GLMN: variants seen among roughly 807,000 people sequenced by gnomAD.
GLMN encodes glomulin, FKBP associated protein.
In GLMN, 75 loss-of-function variants were observed where a neutral mutation model predicts 87.8. The observed-to-expected ratio is 0.85, with a 90% CI of 0.71 to 1.04. The LOEUF is 1.04. Ranked by LOEUF, GLMN falls within the 50% of genes least tolerant of loss-of-function variation. The probability of loss-of-function intolerance (pLI) is 0.00; values close to 1 mark genes in which losing one functional copy is unlikely to be tolerated. For missense variants in GLMN, 588 were observed against 658.8 expected, an observed-to-expected ratio of 0.89 and a Z score of 1.18; for synonymous variants, 206 against 221.6, an observed-to-expected ratio of 0.93 and a Z score of 0.63.
chr1:92,279,325 C>T (rs1191727958), intron 7 of GLMN, among the ~76,000 whole-genome samples: 9 of 151,738 alleles, frequency 5.9e-5, no homozygotes, highest in African/African-American at 1.2e-4. Context: ...GGTGTGGTGG[C>T]GGGTGCCTGT....
chr1:92,293,891 G>C (rs898479224), intron 3 of GLMN, among the ~76,000 whole-genome samples: 6 of 151,656 alleles, frequency 4.0e-5, no homozygotes, highest in Non-Finnish European at 8.8e-5. Context: ...TTTTTTGTGG[G>C]ATCTGAAAAC....
upstream of GLMN, chr1:92,301,397 AG>A (rs1157895102): frequency 1.7e-6 from 1 of 578,984 alleles, no homozygotes; most frequent in Non-Finnish European, 2.9e-6. Flanking sequence ...ATAGTGAGTT[AG>A]GTTAGTATTG....
At chr1:92,290,600 A>C (rs1235109665) in intron 4 of GLMN, among the ~76,000 whole-genome samples, 2 of 152,242 alleles carry the variant, frequency 1.3e-5, no homozygotes, top group Non-Finnish European at 2.9e-5. Flanking sequence ...CAGGGGCTCC[A>C]GCAGGTGGGA....
At chr1:92,282,446 A>G (rs926589934) in intron 7 of GLMN, among the ~76,000 whole-genome samples, 3 of 152,230 alleles carry the variant, frequency 2.0e-5, no homozygotes, top group Admixed American at 1.3e-4. Context: ...GACACAATAT[A>G]CCAGAATCTC....
chr1:92,248,020 T>G (rs1346270638), intron 16 of GLMN, 31 bp from the exon 17 acceptor site: 1 of 882,424 alleles, frequency 1.1e-6, no homozygotes, highest in South Asian at 1.3e-5. Context: ...AGTTATTTAG[T>G]TCAACAATGA....
the GLMN span, among the ~76,000 whole-genome samples, chr1:92,315,945 A>G: frequency 6.6e-6 from 1 of 152,134 alleles, no homozygotes; most frequent in Non-Finnish European, 1.5e-5. Context: ...TTTTTCACCC[A>G]CTTGGTGGCC....
the GLMN span, among the ~76,000 whole-genome samples, chr1:92,348,698 T>A: frequency 1.3e-5 from 2 of 152,280 alleles, no homozygotes; most frequent in South Asian, 4.1e-4. Flanking sequence ...CTTTGTCCAT[T>A]TGTCACCTTT....
chr1:92,366,435 C>T, the GLMN span, among the ~76,000 whole-genome samples: 10 of 152,136 alleles, frequency 6.6e-5, no homozygotes, highest in Admixed American at 5.9e-4. Context: ...AAGTAGTTAC[C>T]TATGCATGTG....
intron 16 of GLMN, among the ~76,000 whole-genome samples, chr1:92,248,958 T>A (rs1219381573): frequency 6.6e-6 from 1 of 152,110 alleles, no homozygotes; most frequent in Non-Finnish European, 1.5e-5. Flanking sequence ...CTTGGGGAAA[T>A]AAAGATGTAT....
Position 92,246,627 on chromosome 1 carries a change from A to T in GLMN, c.1688T>A (p.Phe563Tyr), listed in dbSNP as rs761180709. The T allele has an allele frequency of 6.3e-7, 1 of 1,579,660 alleles. No individual in the cohort carries two copies. The highest frequency in any genetic ancestry group is 1.7e-5 in the Admixed American group (1 of 59,944). The change falls in exon 19 of 19, where the codon TTC (phenylalanine) becomes TAC (tyrosine). Residue 563 changes from phenylalanine to tyrosine, a missense_variant. Phe to Tyr is a conservative substitution (Grantham distance 22, BLOSUM62 3). Transcript: ENST00000370360. ...AACACTTTCAATCAAATCAAATGTGAAAAGAGCTGAATGCAGGACCTGCAA... is the reference window on the plus strand; with the variant it reads ...AACACTTTCAATCAAATCAAATGTGTAAAGAGCTGAATGCAGGACCTGCAA... Reference protein sequence around the residue: ...MQLKVLHSALFTFDLIESVLA... With the variant: ...MQLKVLHSALYTFDLIESVLA...
chr1:92,347,985 C>G, the GLMN span, among the ~76,000 whole-genome samples: 3 of 152,130 alleles, frequency 2.0e-5, no homozygotes, highest in East Asian at 5.8e-4. Context: ...TCTCGGCTCA[C>G]TGCAGCCTCT....
the GLMN span, among the ~76,000 whole-genome samples, chr1:92,355,684 A>C: frequency 6.6e-6 from 1 of 152,200 alleles, no homozygotes; most frequent in Non-Finnish European, 1.5e-5. Context: ...GACATTATAC[A>C]GGTTAAGTAT....
intron 16 of GLMN, among the ~76,000 whole-genome samples, chr1:92,256,458 A>T (rs1028859139): frequency 1.1e-4 from 16 of 152,178 alleles, no homozygotes; most frequent in Non-Finnish European, 1.6e-4. Context: ...AAAAAAAAGA[A>T]AATTTCAGGC....
At chr1:92,278,679 T>G (rs927595621) in intron 7 of GLMN, among the ~76,000 whole-genome samples, 3 of 152,144 alleles carry the variant, frequency 2.0e-5, no homozygotes, top group Admixed American at 1.3e-4. Context: ...CTCCCCATCC[T>G]CTCTAAAAAT....
upstream of GLMN, among the ~76,000 whole-genome samples, chr1:92,302,106 C>A (rs925834651): frequency 1.3e-5 from 2 of 152,020 alleles, no homozygotes; most frequent in Admixed American, 6.6e-5. Flanking sequence ...CATGGTGAAA[C>A]CTCGTTTCTA....
In GLMN at chr1:92,246,552, T is replaced by G. The variant is rs1263194978; in HGVS notation, c.1763A>C (p.Glu588Ala). 1 of 1,449,370 alleles carries G rather than the reference T, an allele frequency of 6.9e-7. No individual in the cohort carries two copies. Among genetic ancestry groups the G allele is most frequent in the South Asian group, 1.1e-5 (1 of 87,642 alleles). The allele number at this position is 1,449,370 out of a possible 1,614,324, so 89.8% of individuals were successfully genotyped here. The change falls in exon 19 of 19, where the codon GAA becomes GCA. Residue 588 changes from glutamate (E) to alanine (A), a missense_variant. Physicochemically the swap from Glu to Ala is moderately radical, Grantham distance 107. Coordinates refer to ENST00000370360, the MANE Select transcript of GLMN (RefSeq NM_053274.3). Reference protein sequence around the residue: ...LIEIKTKSTSEENIGIK With the variant: ...LIEIKTKSTSAENIGIK Reference sequence around the variant, plus strand: ...CTTTCACTTTATCCCAATATTTTCTTCAGAGGTAGACTTTGTTTTTATTTC... The same window carrying G: ...CTTTCACTTTATCCCAATATTTTCTGCAGAGGTAGACTTTGTTTTTATTTC...
chr1:92,271,433 A>G, intron 8 of GLMN, 32 bp downstream of exon 8: 1 of 1,511,784 alleles, frequency 6.6e-7, no homozygotes, highest in Non-Finnish European at 9.2e-7. Flanking sequence ...TTCCTTTTAG[A>G]ATACATGAAT....
rs556696081 is a variant in GLMN, at chr1:92,263,190, G to C, written c.1410-264C>G. ...TCATCTCTTGCTTTCTGAATTTTAA[G>C]ATTACTTTTTAAATGCTTTAAACCA... On this transcript the variant is annotated intron_variant, in intron 15 of 18. Transcript: ENST00000370360. Among the ~76,000 whole-genome samples, 22 of 151,944 alleles carry C rather than the reference G, an allele frequency of 1.4e-4. No homozygotes were observed. The South Asian group carries it at 4.6e-3, about 32-fold the overall frequency.
chr1:92,287,720 T>C lies in GLMN; in HGVS notation c.633-1128A>G, dbSNP rs145807495. 7.1e-3 allele frequency among the ~76,000 whole-genome samples: 1,077 copies of C among 152,168 alleles called. 13 individuals are homozygous for C. The highest frequency in any genetic ancestry group is 0.025 in the African/African-American group (1,035 of 41,510). ...AGTCTCCAAAATTAAAATATTATTT[T>C]ATATTCTATTTTTTAGAGACGAGGT... is the stretch of plus-strand genomic sequence containing the variant. On this transcript the variant is annotated intron_variant, in intron 6 of 18. Coordinates refer to ENST00000370360, the MANE Select transcript of GLMN (RefSeq NM_053274.3).
Sources: gnomAD v4.1 joint callset for allele counts (sites outside exome capture counted in the v4.1 genomes callset) on GRCh38, gnomAD v4.1.1 for gene constraint, MANE v1.5 for transcripts, NCBI Gene and HGNC (gene_info 2026-07-23, HGNC 2026-07-21) for gene names.